RNF144B: variants seen among roughly 807,000 people sequenced by gnomAD.
RNF144B encodes E3 ubiquitin-protein ligase RNF144B.
In RNF144B, 25 loss-of-function variants were observed where a neutral mutation model predicts 40.2. That is an observed-to-expected ratio of 0.62 (90% CI 0.45 to 0.87). RNF144B has a LOEUF of 0.87. RNF144B is among the 40% of genes least tolerant of loss of function. The probability of loss-of-function intolerance (pLI) is 0.00; values close to 1 mark genes in which losing one functional copy is unlikely to be tolerated. For synonymous variants in RNF144B, 145 were observed against 136.3 expected, an observed-to-expected ratio of 1.06 and a Z score of -0.44; for missense variants, 365 against 373.7, an observed-to-expected ratio of 0.98 and a Z score of 0.19.
chr6:18,457,425 G>C lies in RNF144B; in HGVS notation c.536+66G>C. ...TTCTTAGAAATTCAACATACCTTAC[G>C]TGTAGAAGGAGTTACGTTGTGATGG... is the stretch of plus-strand genomic sequence containing the variant. On this transcript the variant is annotated intron_variant, in intron 5 of 7. Coordinates refer to ENST00000259939, the MANE Select transcript of RNF144B (RefSeq NM_182757.4). The surrounding 1 kb of genome is among the most constrained non-coding windows in gnomAD (Gnocchi z 5.1). The C allele has an allele frequency of 4.1e-6, 5 of 1,205,064 alleles. No homozygotes were observed. The highest frequency in any genetic ancestry group is 1.7e-5 in the Admixed American group (1 of 59,196). 74.6% of individuals were successfully genotyped at this position (1,205,064 alleles called of 1,614,324 possible).
rs1455131925 is a variant in RNF144B at position 18,410,865 on chromosome 6, C to T, written c.165+11166C>T. Among the ~76,000 whole-genome samples the T allele has an allele frequency of 6.6e-6, 1 of 152,162 alleles. No individual in the cohort carries two copies. The highest frequency in any genetic ancestry group is 1.5e-5 in the Non-Finnish European group (1 of 68,032). ...ACAATGTCCTTATCAACTTAGGATA[C>T]ATGTGTATGGCAGACTGCAGTTTTG... On this transcript the variant is annotated intron_variant, in intron 2 of 7. Transcript: ENST00000259939. This position sits in a 1 kb window ranked among gnomAD's most constrained non-coding sequence, Gnocchi z 4.6.
chr6:18,392,282 T>C (rs1397579796), intron 1 of RNF144B, among the ~76,000 whole-genome samples: 2 of 152,154 alleles, frequency 1.3e-5, no homozygotes, highest in African/African-American at 4.8e-5. Flanking sequence ...TCATGTACAT[T>C]GTTGGCCATG....
At position 18,395,505 on chromosome 6, in the gene RNF144B, G is replaced by T. The variant is rs1286342891; in HGVS notation, c.-36-3994G>T. On this transcript the variant is annotated intron_variant, in intron 1 of 7. Transcript: ENST00000259939. This position sits in a 1 kb window ranked among gnomAD's most constrained non-coding sequence, Gnocchi z 4.5. ...GGGGAAATTCATTAGAGGCTTTCAG[G>T]ATTCTCCTGTTTACTGATTGAAGAG... Among the ~76,000 whole-genome samples the T allele has an allele frequency of 1.3e-5, 2 of 152,120 alleles. No individual in the cohort carries two copies. Among genetic ancestry groups the T allele is most frequent in the African/African-American group, 2.4e-5 (1 of 41,420 alleles).
At chr6:18,423,559 C>T (rs1212275940) in intron 2 of RNF144B, among the ~76,000 whole-genome samples, 2 of 152,174 alleles carry the variant, frequency 1.3e-5, no homozygotes, top group African/African-American at 4.8e-5. Context: ...TGAAGAATGC[C>T]TGTGACTTTG....
At chr6:18,417,963 A>C (rs1051076163) in intron 2 of RNF144B, among the ~76,000 whole-genome samples, 4 of 152,204 alleles carry the variant, frequency 2.6e-5, no homozygotes, top group African/African-American at 9.6e-5. Flanking sequence ...GATGATGTAC[A>C]AATTACCAAT....
rs1758953427 is a variant in RNF144B, at chr6:18,441,083, G to A, written c.331+1339G>A. On this transcript the variant is annotated intron_variant, in intron 4 of 7. Coordinates refer to ENST00000259939, the MANE Select transcript of RNF144B (RefSeq NM_182757.4). This position sits in a 1 kb window ranked among gnomAD's most constrained non-coding sequence, Gnocchi z 4.9. ...TCTGTTCTGTGATAAGTTAATGATG[G>A]GGGTAGTTAATATTGACTCTCTCTA... is the stretch of plus-strand genomic sequence containing the variant. Among the ~76,000 whole-genome samples the A allele has an allele frequency of 2.0e-5, 3 of 152,022 alleles. No homozygotes were observed. The highest frequency in any genetic ancestry group is 4.1e-4 in the South Asian group (2 of 4,824).
rs903698492 is a variant in RNF144B, at chr6:18,455,932, G to GT, written c.332-1215dup. Among the ~76,000 whole-genome samples, 40 of 151,094 alleles carry GT rather than the reference G, an allele frequency of 2.6e-4. 1 individual carries two copies. The highest frequency in any genetic ancestry group is 9.7e-4 in the East Asian group (5 of 5,138). On this transcript the variant is annotated intron_variant, in intron 4 of 7. Coordinates refer to ENST00000259939, the MANE Select transcript of RNF144B (RefSeq NM_182757.4). ...TTTTTGTTTTTGTTTTTTTTGTTTT[G>GT]TTTTTTTTGAGACGGAGTCTTGCTC...
At chr6:18,439,142 A>G (rs942158719) in intron 3 of RNF144B, among the ~76,000 whole-genome samples, 1 of 152,168 alleles carries the variant, frequency 6.6e-6, no homozygotes, top group Non-Finnish European at 1.5e-5. Flanking sequence ...AGAGTCTGAG[A>G]TGTCAATGTC....
Position 18,405,514 on chromosome 6 carries a change from G to A in RNF144B, c.165+5815G>A, listed in dbSNP as rs1303877173. The stretch of plus-strand genomic sequence containing the variant: ...ATGCTTTCCCTTAACTTTGCTTGGG[G>A]TGGTTAGCAGTAAATCAGTGAATTT... On this transcript the variant is annotated intron_variant, in intron 2 of 7. Transcript: ENST00000259939. The surrounding 1 kb of genome is among the most constrained non-coding windows in gnomAD (Gnocchi z 4.5). Among the ~76,000 whole-genome samples the A allele has an allele frequency of 1.3e-5, 2 of 152,130 alleles. No homozygotes were observed. The highest frequency in any genetic ancestry group is 2.4e-5 in the African/African-American group (1 of 41,436).
intron 1 of RNF144B, among the ~76,000 whole-genome samples, chr6:18,399,215 T>C (rs1397978432): frequency 6.6e-6 from 1 of 152,190 alleles, no homozygotes; most frequent in East Asian, 1.9e-4. Flanking sequence ...CTTTGTAAGC[T>C]TGACCAACAT....
rs911592587 is a variant in RNF144B, at chr6:18,398,464, T to C, written c.-36-1035T>C. 2.6e-5 allele frequency among the ~76,000 whole-genome samples: 4 copies of C among 152,170 alleles called. No homozygotes were observed. Among genetic ancestry groups the C allele is most frequent in the African/African-American group, 9.7e-5 (4 of 41,446 alleles). ...TTGACTCACTGCAACCTCTGCCTCC[T>C]GGGTTCAAGTGATTCTCCCGCCTCA... On this transcript the variant is annotated intron_variant, in intron 1 of 7. Transcript: ENST00000259939. The surrounding 1 kb of genome is among the most constrained non-coding windows in gnomAD (Gnocchi z 5.0).
intron 4 of RNF144B, among the ~76,000 whole-genome samples, chr6:18,454,680 A>G (rs1224459449): frequency 2.0e-5 from 3 of 152,216 alleles, no homozygotes; most frequent in East Asian, 1.9e-4. Flanking sequence ...GCACTGCGCC[A>G]TAGCTGCACT....
intron 3 of RNF144B, among the ~76,000 whole-genome samples, chr6:18,429,974 G>A (rs35489607): frequency 0.12 from 18,279 of 152,234 alleles, 1,318 homozygotes; most frequent in Admixed American, 0.19. Flanking sequence ...AATGCAAGAA[G>A]TGGGGCAGGC....
intron 3 of RNF144B, among the ~76,000 whole-genome samples, chr6:18,437,529 G>A (rs998151947): frequency 5.9e-5 from 9 of 152,186 alleles, no homozygotes; most frequent in African/African-American, 2.2e-4. Flanking sequence ...CATTCCAAAA[G>A]GACCAAATAG....
Position 18,405,967 on chromosome 6 carries a change from C to A in RNF144B, c.165+6268C>A. On this transcript the variant is annotated intron_variant, in intron 2 of 7. Coordinates refer to ENST00000259939, the MANE Select transcript of RNF144B (RefSeq NM_182757.4). This position sits in a 1 kb window ranked among gnomAD's most constrained non-coding sequence, Gnocchi z 4.5. ...CCTTAGATCTTCTAGTTCCCCCACC[C>A]TCCTAATGAAAGAAGTCATTTTCTG... 1 of 502,044 alleles carries A rather than the reference C, an allele frequency of 2.0e-6. No homozygotes were observed. The highest frequency in any genetic ancestry group is 1.5e-5 in the South Asian group (1 of 68,650). The allele number at this position is 502,044 out of a possible 1,614,324, so 31.1% of individuals were successfully genotyped here.
intron 3 of RNF144B, among the ~76,000 whole-genome samples, chr6:18,435,270 G>C (rs1279133949): frequency 6.6e-6 from 1 of 152,212 alleles, no homozygotes; most frequent in Admixed American, 6.5e-5. Flanking sequence ...TGATCTCAGG[G>C]TAGTGGTCTC....
chr6:18,409,375 C>CA (rs770011648), intron 2 of RNF144B, among the ~76,000 whole-genome samples: 602 of 59,536 alleles, frequency 0.01, 56 homozygotes, highest in African/African-American at 0.034. Flanking sequence ...GAGACTGTCT[C>CA]AAAAAAAAAA....
chr6:18,394,365 C>T (rs371439382), intron 1 of RNF144B, among the ~76,000 whole-genome samples: 2 of 151,960 alleles, frequency 1.3e-5, no homozygotes, highest in African/African-American at 2.4e-5. Context: ...TTTGGGAGGC[C>T]GAGGTGGGCG....
intron 1 of RNF144B, among the ~76,000 whole-genome samples, chr6:18,393,710 T>C (rs1322864557): frequency 6.6e-6 from 1 of 152,212 alleles, no homozygotes; most frequent in Non-Finnish European, 1.5e-5. Flanking sequence ...TGCTCTTTTT[T>C]TCTGCTTTAT....
Sources: allele counts gnomAD v4.1 joint callset (sites outside exome capture counted in the v4.1 genomes callset), GRCh38; gene constraint gnomAD v4.1.1; non-coding constraint Gnocchi (gnomAD v3.1); transcripts MANE v1.5; gene names NCBI Gene and HGNC (gene_info 2026-07-23, HGNC 2026-07-21).